Variants in SLC25A12 observed in about 807,000 individuals in gnomAD.
SLC25A12 encodes electrogenic aspartate/glutamate antiporter SLC25A12, mitochondrial.
SLC25A12 carries 32 observed loss-of-function variants against 83.3 expected under a neutral mutation model. The observed-to-expected ratio is 0.38, with a 90% CI of 0.29 to 0.52. SLC25A12 has a LOEUF of 0.52. Among genes scored for constraint, SLC25A12 ranks in the 20% least tolerant of loss-of-function variants. The pLI is 0.84. For missense variants in SLC25A12, 611 were observed against 835.6 expected (o/e 0.73, Z 3.31); for synonymous variants, 267 against 291.1 (o/e 0.92, Z 0.84).
chr2:171,826,806 G>A lies in SLC25A12; in HGVS notation c.922C>T (p.Gln308Ter). Residue 308 changes from glutamine to a stop codon, truncating the protein, a stop_gained, in exon 9 of 18, where the codon CAG becomes TAG. Coordinates refer to ENST00000422440, the MANE Select transcript of SLC25A12 (RefSeq NM_003705.5). LOFTEE classifies it high-confidence loss of function. ...TATGAGATTACTCATACCTGTCTCT[G>A]AAGTTCTGCCAGGTTGTAAGGTAAG... ...GALPYNLAELQRQQSPGLGRP... is the reference protein window; with the variant it reads ...GALPYNLAEL The A allele has an allele frequency of 1.3e-6, 2 of 1,585,052 alleles. No homozygotes were observed. The highest frequency in any genetic ancestry group is 1.7e-6 in the Non-Finnish European group (2 of 1,153,662).
chr2:171,840,367 CAAGGT>C (rs1415651072), intron 5 of SLC25A12, among the ~76,000 whole-genome samples: 1 of 149,782 alleles, frequency 6.7e-6, no homozygotes, highest in African/African-American at 2.5e-5. Context: ...GCCTGGGGGA[CAAGGT>C]AAGACCCTGA....
chr2:171,834,839 C>G lies in SLC25A12; in HGVS notation c.639G>C (p.Gln213His). 3 of 1,613,856 alleles carry G rather than the reference C, an allele frequency of 1.9e-6. No individual in the cohort carries two copies. The highest frequency in any genetic ancestry group is 2.5e-6 in the Non-Finnish European group (3 of 1,179,918). The change falls in exon 7 of 18, where the codon CAG becomes CAC. Residue 213 changes from glutamine to histidine, a missense_variant. This residue lies in a region of SLC25A12 where 540 missense variants were observed against 777.5 expected (regional missense o/e 0.69). Transcript: ENST00000422440. ...VSAAGGSISH[Q>H]VSFSYFNAFN... ...ATGCATTGAAGTAGGAGAAGCTAAC[C>G]TGGTGTGAGATACTTCCTCCAGCTG...
chr2:171,863,470 G>T (rs34070184), intron 3 of SLC25A12, among the ~76,000 whole-genome samples: 2,128 of 151,204 alleles, frequency 0.014, 18 homozygotes, highest in Middle Eastern at 0.034. Flanking sequence ...TGGTTGCAGT[G>T]AGCTGAGATC....
chr2:171,820,542 A>C (rs1057190271), intron 9 of SLC25A12, among the ~76,000 whole-genome samples: 1 of 141,600 alleles, frequency 7.1e-6, no homozygotes, highest in Non-Finnish European at 1.6e-5. Flanking sequence ...TGCCGGCTAA[A>C]ACGGTGAAAC....
At chr2:171,848,048 A>T (rs899418119) in intron 4 of SLC25A12, 2 of 387,186 alleles carry the variant, frequency 5.2e-6, no homozygotes, top group Admixed American at 3.4e-5. Context: ...ATATGTCTTA[A>T]CAGAGGTTTT....
chr2:171,881,660 A>C lies in SLC25A12; in HGVS notation c.66+11545T>G, dbSNP rs60584352. On this transcript the variant is annotated intron_variant, in intron 2 of 17. Transcript: ENST00000422440. ...ACAGAATGTTCTATTTTTTTAAAAA[A>C]GTATTAATGTAGGGATGTGTAATTT... Among the ~76,000 whole-genome samples, 564 of 152,316 alleles carry C rather than the reference A, an allele frequency of 3.7e-3. 2 individuals carry two copies. The highest frequency in any genetic ancestry group is 0.012 in the African/African-American group (515 of 41,556).
At chr2:171,826,714 C>T (rs1299677946) in intron 9 of SLC25A12, 84 bp downstream of exon 9, 9 of 812,152 alleles carry the variant, frequency 1.1e-5, no homozygotes, top group Admixed American at 1.8e-5. Context: ...TTAATTTTTA[C>T]AGCATTCAGA....
At chr2:171,817,466 G>C (rs541506034) in intron 9 of SLC25A12, among the ~76,000 whole-genome samples, 1 of 152,070 alleles carries the variant, frequency 6.6e-6, no homozygotes, top group African/African-American at 2.4e-5. Context: ...GTCAGGTATA[G>C]TGGCAGGTGC....
intron 13 of SLC25A12, among the ~76,000 whole-genome samples, chr2:171,805,036 G>A (rs569206756): frequency 2.6e-5 from 4 of 152,306 alleles, no homozygotes; most frequent in South Asian, 2.1e-4. Flanking sequence ...CACATTAAAT[G>A]GGGGAGTTGT....
rs1276271285 is a variant in SLC25A12, at chr2:171,893,218, TTTC to T, written c.50_52del (p.Arg17del). Reference sequence around the variant, plus strand: ...AAGCCAATTTACCTGTAGAAATATGTTTCTTAACTCATGAGGATCCCCTCGCTT... The same window carrying T: ...AAGCCAATTTACCTGTAGAAATATGTTTAACTCATGAGGATCCCCTCGCTT... On this transcript the variant is annotated inframe_deletion, in exon 2 of 18. Transcript: ENST00000422440. 2.5e-6 allele frequency: 4 copies of T among 1,614,102 alleles called. No homozygotes were observed. The highest frequency in any genetic ancestry group is 1.7e-6 in the Non-Finnish European group (2 of 1,180,004).
chr2:171,859,168 A>G (rs1005477771), intron 3 of SLC25A12, among the ~76,000 whole-genome samples: 1 of 152,202 alleles, frequency 6.6e-6, no homozygotes, highest in African/African-American at 2.4e-5. Flanking sequence ...GGCATTAGTA[A>G]GTAGACCACT....
chr2:171,812,733 G>C (rs1452434168), intron 11 of SLC25A12, among the ~76,000 whole-genome samples: 1 of 151,428 alleles, frequency 6.6e-6, no homozygotes, highest in East Asian at 1.9e-4. Context: ...TCTCTGTTTT[G>C]ACTGTACACC....
intron 3 of SLC25A12, among the ~76,000 whole-genome samples, chr2:171,857,491 C>T (rs553604530): frequency 1.8e-3 from 275 of 152,174 alleles, no homozygotes; most frequent in African/African-American, 6.5e-3. Context: ...TCAAGAGCAG[C>T]TTAGGCAATA....
chr2:171,882,314 G>T (rs574852089), intron 2 of SLC25A12, among the ~76,000 whole-genome samples: 5 of 152,304 alleles, frequency 3.3e-5, no homozygotes, highest in African/African-American at 1.2e-4. Context: ...CAGTTCCAGA[G>T]GTGAGCATGT....
chr2:171,790,075 G>A (rs913325200), intron 15 of SLC25A12, among the ~76,000 whole-genome samples: 3 of 152,170 alleles, frequency 2.0e-5, no homozygotes, highest in Non-Finnish European at 2.9e-5. Context: ...CCCTGGGGCC[G>A]TTTCTTAATG....
At chr2:171,838,819 G>C (rs532017542) in intron 5 of SLC25A12, among the ~76,000 whole-genome samples, 1 of 152,220 alleles carries the variant, frequency 6.6e-6, no homozygotes, top group African/African-American at 2.4e-5. Flanking sequence ...CAGGAGGCAG[G>C]GTGGAGGGTA....
chr2:171,845,074 G>A (rs1289385840), intron 4 of SLC25A12, among the ~76,000 whole-genome samples: 1 of 152,020 alleles, frequency 6.6e-6, no homozygotes, highest in East Asian at 1.9e-4. Context: ...TAAAAATATG[G>A]TCTTGACACA....
At chr2:171,812,527 T>C (rs1490308071) in intron 11 of SLC25A12, among the ~76,000 whole-genome samples, 5 of 151,634 alleles carry the variant, frequency 3.3e-5, no homozygotes, top group Non-Finnish European at 7.4e-5. Flanking sequence ...AAAAAATTAA[T>C]CTCCCTCCCA....
At chr2:171,826,672 G>A in intron 9 of SLC25A12, 126 bp downstream of exon 9, 3 of 703,566 alleles carry the variant, frequency 4.3e-6, no homozygotes, top group Admixed American at 2.1e-5. Context: ...TAATCTTTAA[G>A]CTAAGTAAAG....
Sources: gnomAD v4.1 joint callset for allele counts (sites outside exome capture counted in the v4.1 genomes callset) on GRCh38, gnomAD v4.1.1 for gene constraint, gnomAD v4.1.1 regional missense constraint, MANE v1.5 for transcripts, NCBI Gene and HGNC (gene_info 2026-07-23, HGNC 2026-07-21) for gene names.